Variants in FXN observed in about 807,000 individuals in gnomAD.
FXN encodes frataxin, mitochondrial.
A neutral mutation model predicts 22.4 loss-of-function variants in FXN; 14 were observed. The observed-to-expected ratio is 0.62, with a 90% CI of 0.41 to 0.98. The LOEUF is 0.98. Ranked by LOEUF, FXN falls within the 50% of genes least tolerant of loss-of-function variation. The probability of loss-of-function intolerance (pLI) is 0.00; values close to 1 mark genes in which losing one functional copy is unlikely to be tolerated. For missense variants in FXN, 267 were observed against 268.4 expected (o/e 0.99, Z 0.04); for synonymous variants, 120 against 114.1 (o/e 1.05, Z -0.33).
Position 69,075,706 on chromosome 9 carries a change from T to TA in FXN, c.*2946dup, listed in dbSNP as rs1398153251. 1.0e-6 allele frequency: 1 copy of TA among 985,204 alleles called. No individual in the cohort carries two copies. The highest frequency in any genetic ancestry group is 1.2e-6 in the Non-Finnish European group (1 of 829,846). The allele number at this position is 985,204 out of a possible 1,614,324, so 61.0% of individuals were successfully genotyped here. A position where few individuals can be genotyped will look rare whatever the true frequency, so the allele number is the denominator to read the frequency against. ...ATACTGGAGGAGGTGAGGAATTGCATAATACAATCTTAGAAAACTTTTTTT... is the reference window on the plus strand; with the variant it reads ...ATACTGGAGGAGGTGAGGAATTGCATAAATACAATCTTAGAAAACTTTTTTT... On this transcript the variant is annotated 3_prime_UTR_variant, in exon 5 of 5. Coordinates refer to ENST00000484259, the MANE Select transcript of FXN (RefSeq NM_000144.5).
intron 3 of FXN, 32 bp from the exon 4 acceptor site, chr9:69,064,906 T>A (rs780443975): frequency 7.3e-6 from 10 of 1,374,612 alleles, no homozygotes; most frequent in African/African-American, 2.8e-5. Flanking sequence ...TGTTTTAATT[T>A]CTTTATGCTT....
Position 69,051,000 on chromosome 9 carries a change from G to A in FXN, c.264-2140G>A, listed in dbSNP as rs189558054. ...TCTCCATGTTGGTCAAGCTGGTCTC[G>A]AACTCCTAACCTCAGGTGATCCGCC... On this transcript the variant is annotated intron_variant, in intron 2 of 4. Transcript: ENST00000484259. Among the ~76,000 whole-genome samples the A allele has an allele frequency of 4.2e-3, 635 of 152,090 alleles. 5 individuals are homozygous for A. Among genetic ancestry groups the A allele is most frequent in the African/African-American group, 0.014 (585 of 41,496 alleles).
intron 2 of FXN, among the ~76,000 whole-genome samples, chr9:69,051,419 CT>C (rs1322717134): frequency 2.5e-3 from 359 of 143,164 alleles, no homozygotes; most frequent in Middle Eastern, 3.7e-3. Flanking sequence ...TCTTTCTTTT[CT>C]TTTTTTTTTT....
rs142088885 is a variant in FXN at position 69,061,276 on chromosome 9, C to G, written c.385-3662C>G. Among the ~76,000 whole-genome samples the G allele has an allele frequency of 1.8e-4, 28 of 152,202 alleles. No homozygotes were observed. The East Asian group carries it at 5.2e-3, about 28-fold the overall frequency. ...TGGTGATGGACGCAAGTGCGGAGAC[C>G]TTGAGCACGCATCTGCCCCTAGTTC... On this transcript the variant is annotated intron_variant, in intron 3 of 4. Transcript: ENST00000484259.
chr9:69,071,898 A>T (rs570607224), intron 4 of FXN, among the ~76,000 whole-genome samples: 2 of 152,326 alleles, frequency 1.3e-5, no homozygotes, highest in East Asian at 3.9e-4. Flanking sequence ...ATAAAAACCA[A>T]TATAACAACT....
intron 1 of FXN, among the ~76,000 whole-genome samples, chr9:69,040,478 C>T (rs1313906073): frequency 6.6e-6 from 1 of 152,110 alleles, no homozygotes; most frequent in Non-Finnish European, 1.5e-5. Flanking sequence ...ACCATCCTGG[C>T]TAATACGATG....
At chr9:69,066,874 A>ATG in intron 4 of FXN, among the ~76,000 whole-genome samples, 1 of 150,378 alleles carries the variant, frequency 6.6e-6, no homozygotes, top group Non-Finnish European at 1.5e-5. Flanking sequence ...AAAAAAATAT[A>ATG]TATATATATA....
chr9:69,071,865 AAAAC>A (rs1420029799), intron 4 of FXN, among the ~76,000 whole-genome samples: 1 of 152,236 alleles, frequency 6.6e-6, no homozygotes, highest in Non-Finnish European at 1.5e-5. Flanking sequence ...TTGAAAATAA[AAAAC>A]AAAACAAAAA....
In FXN at chr9:69,077,381, G is replaced by A. The variant is rs1832389930; in HGVS notation, c.*4619G>A. The A allele has an allele frequency of 1.0e-6, 1 of 985,424 alleles. No homozygotes were observed. Among genetic ancestry groups the A allele is most frequent in the African/African-American group, 1.7e-5 (1 of 57,368 alleles). The allele number at this position is 985,424 out of a possible 1,614,324, so 61.0% of individuals were successfully genotyped here. A position where few individuals can be genotyped will look rare whatever the true frequency, so the allele number is the denominator to read the frequency against. On this transcript the variant is annotated 3_prime_UTR_variant, in exon 5 of 5. Coordinates refer to ENST00000484259, the MANE Select transcript of FXN (RefSeq NM_000144.5). ...CTCATATGTTCCATCTTCTCTGGCT[G>A]TATAGTTTAAGGAATGGAAGGCACC...
chr9:69,069,517 AC>A lies in FXN; in HGVS notation c.483-3091del, dbSNP rs1471256128. ...TAAATAATGTCACTTTCTGACACTCACCCCGCTGAATGTCCTGCCTCTGCTC... is the reference window on the plus strand; with the variant it reads ...TAAATAATGTCACTTTCTGACACTCACCCGCTGAATGTCCTGCCTCTGCTC... On this transcript the variant is annotated intron_variant, in intron 4 of 4. Transcript: ENST00000484259. 9.9e-5 allele frequency among the ~76,000 whole-genome samples: 15 copies of A among 151,274 alleles called. 1 individual carries two copies. The highest frequency in any genetic ancestry group is 1.5e-5 in the Non-Finnish European group (1 of 67,648).
At chr9:69,062,114 TTTTA>T (rs1293110719) in intron 3 of FXN, among the ~76,000 whole-genome samples, 1 of 152,186 alleles carries the variant, frequency 6.6e-6, no homozygotes, top group African/African-American at 2.4e-5. Context: ...TTTAAGAAAC[TTTTA>T]TTTATTTGTT....
At chr9:69,064,292 T>C (rs905679124) in intron 3 of FXN, among the ~76,000 whole-genome samples, 1 of 152,204 alleles carries the variant, frequency 6.6e-6, no homozygotes, top group Non-Finnish European at 1.5e-5. Context: ...AACTAGTCTT[T>C]TGAAGAATTC....
chr9:69,046,646 G>T (rs1053681112), intron 2 of FXN, among the ~76,000 whole-genome samples, 164 bp downstream of exon 2: 2 of 152,170 alleles, frequency 1.3e-5, no homozygotes, highest in African/African-American at 4.8e-5. Flanking sequence ...AGATTGCATG[G>T]ATGTGACATA....
At chr9:69,045,378 T>C (rs1242997965) in intron 1 of FXN, among the ~76,000 whole-genome samples, 2 of 152,090 alleles carry the variant, frequency 1.3e-5, no homozygotes, top group East Asian at 1.9e-4. Flanking sequence ...GGCAGATCAC[T>C]TGAGGCCAGG....
chr9:69,053,065 CAA>C, intron 2 of FXN, 73 bp from the exon 3 acceptor site: 1 of 1,403,698 alleles, frequency 7.1e-7, no homozygotes. Flanking sequence ...ATTTAAATAA[CAA>C]ATGTATAAAT....
In FXN at chr9:69,074,486, A is replaced by T; in HGVS notation, c.*1724A>T. 3 of 981,754 alleles carry T rather than the reference A, an allele frequency of 3.1e-6. No homozygotes were observed. The highest frequency in any genetic ancestry group is 3.6e-6 in the Non-Finnish European group (3 of 827,202). 60.8% of individuals were successfully genotyped at this position (981,754 alleles called of 1,614,324 possible). On this transcript the variant is annotated 3_prime_UTR_variant, in exon 5 of 5. Coordinates refer to ENST00000484259, the MANE Select transcript of FXN (RefSeq NM_000144.5). ...GCGGAGGAGGTTACAGTGAGTCGAGATCGTACCTGAGCGACAGAGCGAGAC... is the reference window on the plus strand; with the variant it reads ...GCGGAGGAGGTTACAGTGAGTCGAGTTCGTACCTGAGCGACAGAGCGAGAC...
chr9:69,070,884 T>G (rs1310981051), intron 4 of FXN, among the ~76,000 whole-genome samples: 1 of 118,632 alleles, frequency 8.4e-6, no homozygotes, highest in Non-Finnish European at 1.8e-5. Flanking sequence ...TTGCCTAGGT[T>G]GGTCTGAAAC....
At chr9:69,068,492 G>T (rs1220230884) in intron 4 of FXN, among the ~76,000 whole-genome samples, 1 of 152,246 alleles carries the variant, frequency 6.6e-6, no homozygotes, top group South Asian at 2.1e-4. Context: ...TGGAGGCAGA[G>T]CTGCAGAGCC....
In FXN at chr9:69,065,011, A is replaced by C; in HGVS notation, c.458A>C (p.Gln153Pro). ...YVINKQTPNKQIWLSSPSSGP... is the reference protein window; with the variant it reads ...YVINKQTPNKPIWLSSPSSGP... ...ATCAACAAGCAGACGCCAAACAAGC[A>C]AATCTGGCTATCTTCTCCATCCAGG... The change falls in exon 4 of 5, where the codon CAA (glutamine) becomes CCA (proline). Residue 153 changes from glutamine to proline, a missense_variant. Physicochemically the swap from Gln to Pro is moderately conservative, Grantham distance 76. Coordinates refer to ENST00000484259, the MANE Select transcript of FXN (RefSeq NM_000144.5). 1 of 1,613,980 alleles carries C rather than the reference A, an allele frequency of 6.2e-7. No homozygotes were observed. Among genetic ancestry groups the C allele is most frequent in the Non-Finnish European group, 8.5e-7 (1 of 1,179,872 alleles).
Sources: gnomAD v4.1 joint callset for allele counts (sites outside exome capture counted in the v4.1 genomes callset) on GRCh38, gnomAD v4.1.1 for gene constraint, MANE v1.5 for transcripts, NCBI Gene and HGNC (gene_info 2026-07-23, HGNC 2026-07-21) for gene names.